KIAA1549: variants seen among roughly 807,000 people sequenced by gnomAD.
The protein encoded by KIAA1549 is KIAA1549, also known as UPF0606 protein KIAA1549.
KIAA1549 carries 70 observed loss-of-function variants against 156.4 expected under a neutral mutation model. The observed-to-expected ratio is 0.45, with a 90% CI of 0.37 to 0.55. The LOEUF is 0.55. Ranked by LOEUF, KIAA1549 falls within the 20% of genes least tolerant of loss-of-function variation. The pLI is 0.00. For synonymous variants in KIAA1549, 1,103 were observed against 1,066.4 expected (o/e 1.03, Z -0.67); for missense variants, 2,428 against 2,540.9 (o/e 0.96, Z 0.96).
intron 3 of KIAA1549, 141 bp downstream of exon 3, chr7:138,912,231 G>C (rs1447272697): frequency 2.8e-6 from 2 of 706,384 alleles, no homozygotes; most frequent in African/African-American, 3.5e-5. Context: ...CAGAGGATGA[G>C]CAGGACTTAA....
chr7:138,917,413 G>A lies in KIAA1549; in HGVS notation c.2213C>T (p.Thr738Met), dbSNP rs779260078. 3.8e-5 allele frequency: 61 copies of A among 1,613,836 alleles called. No homozygotes were observed. The highest frequency in any genetic ancestry group is 4.6e-5 in the Non-Finnish European group (54 of 1,179,862). Reference protein sequence around the residue: ...EFVEASTVSLTDSEAHFTSAF... With the variant: ...EFVEASTVSLMDSEAHFTSAF... ...TGAGGTAAAATGAGCTTCTGAATCC[G>A]TCAGTGAAACCGTAGACGCTTCAAC... The change falls in exon 2 of 20, where the codon ACG becomes ATG. Residue 738 changes from threonine to methionine, a missense_variant. Physicochemically the swap from Thr to Met is moderately conservative, Grantham distance 81. Transcript: ENST00000422774.
intron 1 of KIAA1549, among the ~76,000 whole-genome samples, chr7:138,966,467 A>G (rs1814029040): frequency 6.6e-6 from 1 of 152,126 alleles, no homozygotes; most frequent in Non-Finnish European, 1.5e-5. Flanking sequence ...ACAACAAGCC[A>G]ACTACAAGCT....
intron 1 of KIAA1549, among the ~76,000 whole-genome samples, chr7:138,928,162 C>G (rs1812776005): frequency 6.6e-6 from 1 of 152,040 alleles, no homozygotes; most frequent in South Asian, 2.1e-4. Context: ...ACCTCGTGAT[C>G]CGCCTGCCTC....
intron 1 of KIAA1549, among the ~76,000 whole-genome samples, chr7:138,953,129 G>A (rs1027338859): frequency 6.6e-6 from 1 of 152,226 alleles, no homozygotes; most frequent in African/African-American, 2.4e-5. Flanking sequence ...GCCGAGGCAG[G>A]TGGATCACCT....
chr7:138,980,221 G>A (rs1814505471), intron 1 of KIAA1549, among the ~76,000 whole-genome samples: 1 of 152,232 alleles, frequency 6.6e-6, no homozygotes, highest in African/African-American at 2.4e-5. Flanking sequence ...CCTGTGCAGG[G>A]GCAATCGCTG....
rs1563039445 is a variant in KIAA1549 at position 138,832,189 on chromosome 7, TCC to T, written c.*5715_*5716del. On this transcript the variant is annotated 3_prime_UTR_variant, in exon 20 of 20. Coordinates refer to ENST00000422774, the MANE Select transcript of KIAA1549 (RefSeq NM_001164665.2). ...TTTCACCTCTGTCCCTTTTACCTAT[TCC>T]TTTTTTTTTTTTTTTTTTTTCCAGA... is the stretch of plus-strand genomic sequence containing the variant. 1.6e-4 allele frequency: 31 copies of T among 195,202 alleles called. 1 individual carries two copies. Among genetic ancestry groups the T allele is most frequent in the Non-Finnish European group, 2.0e-4 (20 of 102,432 alleles). 12.1% of individuals were successfully genotyped at this position (195,202 alleles called of 1,614,324 possible).
Position 138,911,947 on chromosome 7 carries a change from T to C in KIAA1549, c.2967+425A>G, listed in dbSNP as rs538828674. 8.5e-5 allele frequency among the ~76,000 whole-genome samples: 13 copies of C among 152,306 alleles called. No individual in the cohort carries two copies. The East Asian group carries it at 2.1e-3, about 25-fold the overall frequency. On this transcript the variant is annotated intron_variant, in intron 3 of 19. Transcript: ENST00000422774. ...GATGGACTGTGGCTTTCTAGGATCA[T>C]TCAGTCTAAAAGATTTGGATCTCCA...
rs552224467 is a variant in KIAA1549 at position 138,976,267 on chromosome 7, G to C, written c.187+4816C>G. 2.4e-4 allele frequency among the ~76,000 whole-genome samples: 36 copies of C among 152,182 alleles called. No individual in the cohort carries two copies. In the East Asian group the frequency reaches 5.8e-3, roughly 25 times the overall value. On this transcript the variant is annotated intron_variant, in intron 1 of 19. Coordinates refer to ENST00000422774, the MANE Select transcript of KIAA1549 (RefSeq NM_001164665.2). ...AATTTCTGTATTTTTAGTAGAGACC[G>C]GGTTTCACCATGTTGGCCAGGCTGG...
intron 1 of KIAA1549, among the ~76,000 whole-genome samples, chr7:138,947,323 A>C (rs1813367838): frequency 6.6e-6 from 1 of 152,098 alleles, no homozygotes; most frequent in Non-Finnish European, 1.5e-5. Flanking sequence ...ACATCACTTA[A>C]TTTCCCCAAC....
At chr7:138,882,633 T>C (rs1480291615) in intron 10 of KIAA1549, among the ~76,000 whole-genome samples, 1 of 152,046 alleles carries the variant, frequency 6.6e-6, no homozygotes, top group Non-Finnish European at 1.5e-5. Flanking sequence ...ATCTAATAGT[T>C]TGGGGCTAAG....
chr7:138,842,877 T>C (rs530801201), intron 18 of KIAA1549, among the ~76,000 whole-genome samples: 11 of 152,310 alleles, frequency 7.2e-5, no homozygotes, highest in Admixed American at 2.0e-4. Context: ...ACTGAGTATC[T>C]GGGGAAACTA....
intron 2 of KIAA1549, among the ~76,000 whole-genome samples, chr7:138,912,763 A>T (rs1812205742): frequency 6.6e-6 from 1 of 152,200 alleles, no homozygotes; most frequent in Non-Finnish European, 1.5e-5. Context: ...GTGATGACCC[A>T]GCCAGGGGAC....
chr7:138,936,300 C>T (rs1205537459), intron 1 of KIAA1549, among the ~76,000 whole-genome samples: 2 of 152,186 alleles, frequency 1.3e-5, no homozygotes, highest in African/African-American at 2.4e-5. Flanking sequence ...GAGTATCCAA[C>T]AGGCTCCTAA....
At chr7:138,899,409 C>T (rs1171656595) in intron 8 of KIAA1549, among the ~76,000 whole-genome samples, 7 of 152,226 alleles carry the variant, frequency 4.6e-5, no homozygotes, top group African/African-American at 1.2e-4. Context: ...CCAGGGCTGG[C>T]GAGTCCAGGT....
At chr7:138,909,387 C>T (rs1224615198) in intron 4 of KIAA1549, among the ~76,000 whole-genome samples, 1 of 152,074 alleles carries the variant, frequency 6.6e-6, no homozygotes, top group Admixed American at 6.6e-5. Context: ...TCAAAAGACA[C>T]AATGGATGGA....
chr7:138,839,947 C>G (rs1809859560), intron 19 of KIAA1549, among the ~76,000 whole-genome samples, 186 bp downstream of exon 19: 1 of 151,716 alleles, frequency 6.6e-6, no homozygotes, highest in South Asian at 2.1e-4. Flanking sequence ...GTCACCACGC[C>G]TGGCTAATTT....
chr7:138,855,144 G>A (rs187927593), intron 16 of KIAA1549, among the ~76,000 whole-genome samples: 1 of 152,174 alleles, frequency 6.6e-6, no homozygotes, highest in Admixed American at 6.5e-5. Context: ...TGGAAGCAGA[G>A]AGAAGTAACA....
At chr7:138,969,510 C>T (rs1473658038) in intron 1 of KIAA1549, among the ~76,000 whole-genome samples, 3 of 152,206 alleles carry the variant, frequency 2.0e-5, no homozygotes, top group South Asian at 2.1e-4. Flanking sequence ...GGCTAGACCA[C>T]ATTTGCAAAA....
At chr7:138,899,959 T>C (rs76526394) in intron 8 of KIAA1549, among the ~76,000 whole-genome samples, 3,106 of 152,310 alleles carry the variant, frequency 0.02, 119 homozygotes, top group African/African-American at 0.072. Flanking sequence ...TATGCAACAA[T>C]GTGATTACCC....
Sources: allele counts gnomAD v4.1 joint callset (sites outside exome capture counted in the v4.1 genomes callset), GRCh38; gene constraint gnomAD v4.1.1; transcripts MANE v1.5; gene names NCBI Gene and HGNC (gene_info 2026-07-23, HGNC 2026-07-21).